CACNA1C: variants seen among roughly 807,000 people sequenced by gnomAD.
CACNA1C encodes the protein voltage-dependent L-type calcium channel subunit alpha-1C.
In CACNA1C, 30 loss-of-function variants were observed where a neutral mutation model predicts 229.0. The ratio of observed to expected loss-of-function variants is 0.13; its 90% confidence interval spans 0.10 to 0.18. The LOEUF (loss-of-function observed/expected upper bound fraction) is 0.18, where lower values mean the gene tolerates loss of function less well. CACNA1C is among the 10% of genes least tolerant of loss of function. The pLI, the probability that CACNA1C is intolerant of heterozygous loss-of-function variation, is 1.00. For synonymous variants in CACNA1C, 1,114 were observed against 1,132.5 expected, an observed-to-expected ratio of 0.98 and a Z score of 0.33; for missense variants, 1,658 against 2,845.0, an observed-to-expected ratio of 0.58 and a Z score of 9.49.
chr12:2,487,498 C>G (rs1407957920), intron 6 of CACNA1C, among the ~76,000 whole-genome samples: 1 of 149,578 alleles, frequency 6.7e-6, no homozygotes, highest in Non-Finnish European at 1.5e-5. Flanking sequence ...TTTATTTCTA[C>G]ATAGCCACAG....
At chr12:2,139,064 T>C (rs2093867426) in intron 3 of CACNA1C, among the ~76,000 whole-genome samples, 1 of 151,044 alleles carries the variant, frequency 6.6e-6, no homozygotes, top group Non-Finnish European at 1.5e-5. Context: ...ATTTGGTGGC[T>C]TAAAACAATA....
At chr12:2,057,277 G>A (rs1023528904) in intron 1 of CACNA1C, among the ~76,000 whole-genome samples, 6 of 152,220 alleles carry the variant, frequency 3.9e-5, no homozygotes, top group African/African-American at 1.4e-4. Context: ...CCTAGTACAG[G>A]CCGCTGCTCA....
In CACNA1C at chr12:2,204,805, A is replaced by C. The variant is rs1244756722; in HGVS notation, c.477+84375A>C. ...CTGGGGACTGTGGTGGGGTTGGGGG[A>C]GGGGGGAGGGATAGCATTGGGAGAT... is the stretch of plus-strand genomic sequence containing the variant. On this transcript the variant is annotated intron_variant, in intron 3 of 46. Transcript: ENST00000399655. Among the ~76,000 whole-genome samples the C allele has an allele frequency of 1.4e-4, 5 of 36,518 alleles. No homozygotes were observed. In the South Asian group the frequency reaches 3.4e-3, roughly 25 times the overall value. 24.0% of individuals were successfully genotyped at this position (36,518 alleles called of 152,430 possible). A position where few individuals can be genotyped will look rare whatever the true frequency, so the allele number is the denominator to read the frequency against.
intron 30 of CACNA1C, among the ~76,000 whole-genome samples, chr12:2,640,382 C>T (rs1603233049): frequency 6.6e-6 from 1 of 152,168 alleles, no homozygotes; most frequent in African/African-American, 2.4e-5. Context: ...GGACTTGGGG[C>T]GGAGCTGCCT....
chr12:2,157,904 C>G (rs2095634007), intron 3 of CACNA1C, among the ~76,000 whole-genome samples: 1 of 152,006 alleles, frequency 6.6e-6, no homozygotes, highest in Non-Finnish European at 1.5e-5. Flanking sequence ...AAGCTGATTG[C>G]TATGTAAAGG....
At chr12:2,489,164 C>T (rs986429770) in intron 6 of CACNA1C, among the ~76,000 whole-genome samples, 4 of 151,862 alleles carry the variant, frequency 2.6e-5, no homozygotes, top group African/African-American at 4.8e-5. Flanking sequence ...CCCTATTTTC[C>T]GCAAATTTAG....
At chr12:2,201,491 G>C (rs536841788) in intron 3 of CACNA1C, among the ~76,000 whole-genome samples, 12 of 152,318 alleles carry the variant, frequency 7.9e-5, no homozygotes, top group Admixed American at 2.6e-4. Context: ...ATCTTTCTCT[G>C]TGTTCTCCCA....
At position 2,665,087 on chromosome 12, in the gene CACNA1C, C is replaced by T; in HGVS notation, c.4398+97C>T. 7.6e-7 allele frequency: 1 copy of T among 1,310,514 alleles called. No homozygotes were observed. Among genetic ancestry groups the T allele is most frequent in the Non-Finnish European group, 1.1e-6 (1 of 925,334 alleles). 81.2% of individuals were successfully genotyped at this position (1,310,514 alleles called of 1,614,324 possible). On this transcript the variant is annotated intron_variant, in intron 35 of 46. Coordinates refer to ENST00000399655, the MANE Select transcript of CACNA1C (RefSeq NM_000719.7). This position sits in a 1 kb window ranked among gnomAD's most constrained non-coding sequence, Gnocchi z 5.9. ...TCTGCAGCTCATGGTCAGGGCAACC[C>T]TATCAGAGGAGCTGGCTTGGGAAGA...
Position 2,116,767 on chromosome 12 carries a change from A to G in CACNA1C, c.371+1222A>G, listed in dbSNP as rs1294142824. Among the ~76,000 whole-genome samples the G allele has an allele frequency of 3.3e-5, 5 of 152,142 alleles. No homozygotes were observed. In the East Asian group the frequency reaches 9.6e-4, roughly 29 times the overall value. On this transcript the variant is annotated intron_variant, in intron 2 of 46. Coordinates refer to ENST00000399655, the MANE Select transcript of CACNA1C (RefSeq NM_000719.7). The stretch of plus-strand genomic sequence containing the variant: ...GCTCCCCAGGGTCATGTGGTCAGGA[A>G]CAGATGGGACTAGAACCCTGGTACT...
intron 3 of CACNA1C, among the ~76,000 whole-genome samples, chr12:2,219,582 T>C (rs1158355978): frequency 1.3e-5 from 2 of 152,200 alleles, no homozygotes; most frequent in African/African-American, 4.8e-5. Context: ...AGAACAAATA[T>C]ATCCTTGTCC....
At position 2,080,257 on chromosome 12, in the gene CACNA1C, G is replaced by A. The variant is rs181408454; in HGVS notation, c.49+26646G>A. 7.8e-5 allele frequency among the ~76,000 whole-genome samples: 9 copies of A among 114,814 alleles called. No homozygotes were observed. The East Asian group carries it at 2.3e-3, about 29-fold the overall frequency. The allele number at this position is 114,814 out of a possible 152,430, so 75.3% of individuals were successfully genotyped here. ...AGACTGGATGACAGAGTGAGACCCT[G>A]TCTCAAACAAAAAACAAAAACAAAA... On this transcript the variant is annotated intron_variant, in intron 1 of 46. Coordinates refer to ENST00000399655, the MANE Select transcript of CACNA1C (RefSeq NM_000719.7).
intron 14 of CACNA1C, among the ~76,000 whole-genome samples, chr12:2,582,486 C>T (rs951085538): frequency 3.9e-5 from 6 of 152,198 alleles, no homozygotes; most frequent in Admixed American, 1.3e-4. Context: ...GTGGCTGTCT[C>T]AGCAAACACA....
intron 19 of CACNA1C, among the ~76,000 whole-genome samples, chr12:2,594,365 G>A (rs992604592): frequency 1.3e-5 from 2 of 152,164 alleles, no homozygotes; most frequent in African/African-American, 2.4e-5. Flanking sequence ...CTGTTTCTTA[G>A]AGGGTCTTAC....
rs74060008 is a variant in CACNA1C, at chr12:2,034,955, G to C, written c.139+63754G>C. ...AGCCTTAGGAGCTGGCGAGGCGAGG[G>C]GGTGAAGAGGAGAAGGAGGTCTGGG... On this transcript the variant is annotated intron_variant, in intron 1 of 46. Coordinates refer to the CACNA1C transcript ENST00000682462. The surrounding 1 kb of genome is among the most constrained non-coding windows in gnomAD (Gnocchi z 4.1). 0.086 allele frequency among the ~76,000 whole-genome samples: 13,132 copies of C among 152,168 alleles called. 659 individuals carry two copies. The highest frequency in any genetic ancestry group is 0.12 in the African/African-American group (5,039 of 41,538).
At chr12:2,083,954 G>A (rs576146609) in intron 1 of CACNA1C, among the ~76,000 whole-genome samples, 123 of 152,226 alleles carry the variant, frequency 8.1e-4, no homozygotes, top group Non-Finnish European at 1.3e-3. Context: ...TGTTTCCTCT[G>A]GCTTTCACAG....
At chr12:2,321,025 C>G (rs958970333) in intron 3 of CACNA1C, among the ~76,000 whole-genome samples, 2 of 152,216 alleles carry the variant, frequency 1.3e-5, no homozygotes, top group Non-Finnish European at 2.9e-5. Flanking sequence ...ATGGCTGAGG[C>G]TGCAGCCTAT....
At chr12:2,273,030 C>T (rs931922316) in intron 3 of CACNA1C, among the ~76,000 whole-genome samples, 1 of 152,174 alleles carries the variant, frequency 6.6e-6, no homozygotes, top group Non-Finnish European at 1.5e-5. Flanking sequence ...GGTTATTTGC[C>T]CAGGTGACTT....
chr12:2,117,424 C>T (rs1191720460), intron 2 of CACNA1C, among the ~76,000 whole-genome samples: 1 of 152,196 alleles, frequency 6.6e-6, no homozygotes, highest in Non-Finnish European at 1.5e-5. Flanking sequence ...CTTTAGTCAG[C>T]CCCATAGGAC....
intron 5 of CACNA1C, among the ~76,000 whole-genome samples, chr12:2,469,725 T>A (rs1466306713): frequency 6.6e-6 from 1 of 152,234 alleles, no homozygotes. Context: ...CAGGCTGTTT[T>A]TACTAGACCA....
Sources: allele counts gnomAD v4.1 joint callset (sites outside exome capture counted in the v4.1 genomes callset), GRCh38; gene constraint gnomAD v4.1.1; non-coding constraint Gnocchi (gnomAD v3.1); transcripts MANE v1.5; gene names NCBI Gene and HGNC (gene_info 2026-07-23, HGNC 2026-07-21).